FTO: variants seen among roughly 807,000 people sequenced by gnomAD.
FTO encodes the protein alpha-ketoglutarate-dependent dioxygenase FTO.
A neutral mutation model predicts 63.9 loss-of-function variants in FTO; 47 were observed. The observed-to-expected ratio is 0.74, with a 90% CI of 0.58 to 0.94. The LOEUF (loss-of-function observed/expected upper bound fraction) is 0.94, where lower values mean the gene tolerates loss of function less well. FTO is among the 40% of genes least tolerant of loss of function. The probability of loss-of-function intolerance (pLI) is 0.00; values close to 1 mark genes in which losing one functional copy is unlikely to be tolerated. For synonymous variants in FTO, 207 were observed against 224.4 expected (o/e 0.92, Z 0.69); for missense variants, 562 against 618.1 (o/e 0.91, Z 0.96).
intron 1 of FTO, among the ~76,000 whole-genome samples, chr16:53,774,114 C>T (rs112773297): frequency 1.4e-4 from 22 of 152,124 alleles, no homozygotes; most frequent in African/African-American, 4.3e-4. Flanking sequence ...CAGAATTAAC[C>T]GACAGAAGAC....
At chr16:54,073,176 G>A (rs2085908439) in intron 8 of FTO, among the ~76,000 whole-genome samples, 1 of 151,980 alleles carries the variant, frequency 6.6e-6, no homozygotes, top group South Asian at 2.1e-4. Flanking sequence ...AGCATTCTCT[G>A]CCTCCCCATC....
chr16:53,862,420 CAG>C (rs1437952048), intron 4 of FTO, among the ~76,000 whole-genome samples: 1 of 152,104 alleles, frequency 6.6e-6, no homozygotes, highest in Non-Finnish European at 1.5e-5. Flanking sequence ...AATTTTTTAA[CAG>C]AATATGTTTA....
chr16:53,709,074 G>T (rs1250409537), intron 1 of FTO, among the ~76,000 whole-genome samples: 2 of 152,128 alleles, frequency 1.3e-5, no homozygotes, highest in African/African-American at 2.4e-5. Context: ...AAGTCACAAA[G>T]ATTTCTTTTT....
intron 8 of FTO, among the ~76,000 whole-genome samples, chr16:53,935,004 T>C (rs1043694512): frequency 1.3e-5 from 2 of 152,206 alleles, no homozygotes; most frequent in Admixed American, 6.5e-5. Flanking sequence ...TTTACAGAAC[T>C]GATGCTTGCA....
intron 1 of FTO, among the ~76,000 whole-genome samples, chr16:53,792,601 T>C (rs2077954628): frequency 6.6e-6 from 1 of 152,184 alleles, no homozygotes. Flanking sequence ...TCAAGTGTTA[T>C]TTACAGTTGG....
rs1205221622 is a variant in FTO, at chr16:54,115,489, G to A, written c.*3574G>A. 1 of 152,320 alleles carries A rather than the reference G, an allele frequency of 6.6e-6. No homozygotes were observed. The highest frequency in any genetic ancestry group is 1.9e-4 in the East Asian group (1 of 5,160). 9.4% of individuals were successfully genotyped at this position (152,320 alleles called of 1,614,324 possible). A position where few individuals can be genotyped will look rare whatever the true frequency, so the allele number is the denominator to read the frequency against. On this transcript the variant is annotated 3_prime_UTR_variant, in exon 9 of 9. Transcript: ENST00000471389. ...GTAAGTGCCAGGAAGGGAACCAACT[G>A]GGAGAGGGACAAGAGGAGATGGTGA... is the stretch of plus-strand genomic sequence containing the variant.
At position 53,767,707 on chromosome 16, in the gene FTO, A is replaced by G. The variant is rs2077245002; in HGVS notation, c.46-42433A>G. Among the ~76,000 whole-genome samples the G allele has an allele frequency of 3.3e-5, 5 of 152,286 alleles. No individual in the cohort carries two copies. In the South Asian group the frequency reaches 1.0e-3, roughly 32 times the overall value. ...TCTTGTGATTATTGTGATATGATGC[A>G]TTCAACTTGCAGGTCAGGTTTTATA... On this transcript the variant is annotated intron_variant, in intron 1 of 8. Transcript: ENST00000471389.
At chr16:53,752,121 G>GA (rs1415923869) in intron 1 of FTO, among the ~76,000 whole-genome samples, 2 of 152,182 alleles carry the variant, frequency 1.3e-5, no homozygotes, top group African/African-American at 2.4e-5. Flanking sequence ...CATCAGTAGG[G>GA]AACAGTTTAA....
At chr16:54,000,149 G>A (rs2084034757) in intron 8 of FTO, among the ~76,000 whole-genome samples, 1 of 152,124 alleles carries the variant, frequency 6.6e-6, no homozygotes. Context: ...TTTTTATGTG[G>A]CTTTTCTTTT....
intron 4 of FTO, among the ~76,000 whole-genome samples, chr16:53,865,359 T>A (rs894824623): frequency 6.6e-6 from 1 of 152,202 alleles, no homozygotes; most frequent in African/African-American, 2.4e-5. Flanking sequence ...GCCTTCCTCA[T>A]TAGGCCTTAC....
intron 8 of FTO, among the ~76,000 whole-genome samples, chr16:53,987,456 G>A (rs1007968519): frequency 4.0e-5 from 6 of 151,812 alleles, no homozygotes; most frequent in South Asian, 4.2e-4. Context: ...GGTGGCATGC[G>A]CCTGTAATCC....
chr16:54,070,113 T>A (rs2085831301), intron 8 of FTO: 1 of 152,118 alleles, frequency 6.6e-6, no homozygotes, highest in Non-Finnish European at 1.5e-5. Flanking sequence ...TACGTGTTAA[T>A]TATCATTACT....
chr16:53,787,217 C>T (rs112232322), intron 1 of FTO, among the ~76,000 whole-genome samples: 4,575 of 147,030 alleles, frequency 0.031, 120 homozygotes, highest in Non-Finnish European at 0.046. Flanking sequence ...TGCTTTACAA[C>T]TTCTATGTCT....
intron 4 of FTO, among the ~76,000 whole-genome samples, chr16:53,845,712 G>A (rs2079599669): frequency 6.6e-6 from 1 of 152,186 alleles, no homozygotes; most frequent in African/African-American, 2.4e-5. Flanking sequence ...CGGAGATCCT[G>A]AGTCTGAGTC....
chr16:53,731,739 A>G (rs899068488), intron 1 of FTO, among the ~76,000 whole-genome samples: 4 of 135,550 alleles, frequency 3.0e-5, no homozygotes, highest in African/African-American at 1.1e-4. Flanking sequence ...CGCCCAACTA[A>G]TGTTTGTACT....
intron 4 of FTO, among the ~76,000 whole-genome samples, chr16:53,859,389 C>G (rs2080103820): frequency 1.3e-5 from 2 of 151,778 alleles, no homozygotes; most frequent in African/African-American, 4.8e-5. Flanking sequence ...GATGTTCTCT[C>G]CAAATATGTG....
chr16:53,813,901 A>G (rs2078601859), intron 2 of FTO, among the ~76,000 whole-genome samples: 1 of 152,174 alleles, frequency 6.6e-6, no homozygotes, highest in Admixed American at 6.5e-5. Flanking sequence ...ACCAGGCACA[A>G]CTGTAAGTTC....
intron 1 of FTO, among the ~76,000 whole-genome samples, chr16:53,761,444 G>C (rs1421587752): frequency 2.6e-5 from 4 of 152,114 alleles, no homozygotes; most frequent in Admixed American, 2.0e-4. Flanking sequence ...GAGGTTTTGG[G>C]AAGGAGCCAA....
In FTO at chr16:53,730,883, A is replaced by C. The variant is rs557702017; in HGVS notation, c.45+26654A>C. ...TAAATAGTTTCCTCTATTGTTGACC[A>C]ATTAGCTTGTTTCATTTATTTTATC... On this transcript the variant is annotated intron_variant, in intron 1 of 8. Coordinates refer to ENST00000471389, the MANE Select transcript of FTO (RefSeq NM_001080432.3). Among the ~76,000 whole-genome samples, 154 of 152,312 alleles carry C rather than the reference A, an allele frequency of 1.0e-3. 3 individuals are homozygous for C. Among genetic ancestry groups the C allele is most frequent in the Admixed American group, 9.4e-3 (144 of 15,290 alleles).
Sources: gnomAD v4.1 joint callset for allele counts (sites outside exome capture counted in the v4.1 genomes callset) on GRCh38, gnomAD v4.1.1 for gene constraint, MANE v1.5 for transcripts, NCBI Gene and HGNC (gene_info 2026-07-23, HGNC 2026-07-21) for gene names.